The following B3GNT2 variants were observed in gnomAD, a reference collection of about 807,000 sequenced individuals.
B3GNT2 encodes the protein UDP-GlcNAc:betaGal beta-1,3-N-acetylglucosaminyltransferase 2, also known as N-acetyllactosaminide beta-1,3-N-acetylglucosaminyltransferase 2.
B3GNT2 carries 12 observed loss-of-function variants against 27.6 expected under a neutral mutation model. The ratio of observed to expected loss-of-function variants is 0.44; its 90% CI spans 0.28 to 0.71. The LOEUF is 0.71. Ranked by LOEUF, B3GNT2 falls within the 30% of genes least tolerant of loss-of-function variation. The probability of loss-of-function intolerance (pLI) is 0.17; values close to 1 mark genes in which losing one functional copy is unlikely to be tolerated. For synonymous variants in B3GNT2, 192 were observed against 189.7 expected (o/e 1.01, Z -0.10); for missense variants, 413 against 488.5 (o/e 0.85, Z 1.46).
intron 1 of B3GNT2, among the ~76,000 whole-genome samples, chr2:62,217,756 A>G (rs1278336826): frequency 3.9e-5 from 6 of 152,174 alleles, no homozygotes; most frequent in African/African-American, 1.4e-4. Context: ...CTCTCATCCC[A>G]CCACCCTGAA....
chr2:62,220,589 G>A (rs1674671271), intron 1 of B3GNT2, among the ~76,000 whole-genome samples: 1 of 152,172 alleles, frequency 6.6e-6, no homozygotes, highest in Admixed American at 6.5e-5. Context: ...TTTAGGGATT[G>A]GAGAAGTGTA....
Position 62,222,544 on chromosome 2 carries a change from T to A in B3GNT2, c.324T>A (p.Gly108=), listed in dbSNP as rs1298347987. The change falls in exon 2 of 2, where the codon GGT becomes GGA. Residue 108 remains glycine, a synonymous_variant. Coordinates refer to ENST00000301998, the MANE Select transcript of B3GNT2 (RefSeq NM_006577.6). The surrounding 1 kb of genome is among the most constrained non-coding windows in gnomAD (Gnocchi z 4.2). Reference sequence around the variant, plus strand: ...TGAGGGTCACGTCGGTGGTTACGGGTTTTAACAACTTGCCGGACAGATTTA... The same window carrying A: ...TGAGGGTCACGTCGGTGGTTACGGGATTTAACAACTTGCCGGACAGATTTA... ...PDLRVTSVVT[G]FNNLPDRFKD... 1 of 1,614,016 alleles carries A rather than the reference T, an allele frequency of 6.2e-7. No individual in the cohort carries two copies. Among genetic ancestry groups the A allele is most frequent in the Non-Finnish European group, 8.5e-7 (1 of 1,179,994 alleles).
At position 62,197,372 on chromosome 2, in the gene B3GNT2, C is replaced by G. The variant is rs562167867; in HGVS notation, c.-10+1017C>G. Among the ~76,000 whole-genome samples, 45 of 152,322 alleles carry G rather than the reference C, an allele frequency of 3.0e-4. 1 individual carries two copies. The South Asian group carries it at 8.3e-3, about 28-fold the overall frequency. On this transcript the variant is annotated intron_variant, in intron 1 of 1. Transcript: ENST00000301998. ...AGTAGAGGAGCCGTCGGGAGACTCC[C>G]CACAAGTGTCACAGCGTCAAAGCTC...
chr2:62,222,015 G>A lies in B3GNT2; in HGVS notation c.-9-197G>A, dbSNP rs1674705668. ...GGGCTTGATTCCCATTTTATATATG[G>A]AGAAGTTGAGACAGGGACTATCCCA... On this transcript the variant is annotated intron_variant, in intron 1 of 1. Transcript: ENST00000301998. This position sits in a 1 kb window ranked among gnomAD's most constrained non-coding sequence, Gnocchi z 4.2. Among the ~76,000 whole-genome samples the A allele has an allele frequency of 6.6e-6, 1 of 152,106 alleles. No individual in the cohort carries two copies. The highest frequency in any genetic ancestry group is 6.5e-5 in the Admixed American group (1 of 15,268).
intron 1 of B3GNT2, among the ~76,000 whole-genome samples, chr2:62,207,910 G>C (rs914740156): frequency 6.6e-6 from 1 of 152,166 alleles, no homozygotes; most frequent in Non-Finnish European, 1.5e-5. Context: ...GATTGCCTGA[G>C]TGCTTAATAT....
intron 1 of B3GNT2, among the ~76,000 whole-genome samples, chr2:62,218,404 G>A (rs962937990): frequency 3.3e-5 from 5 of 152,128 alleles, no homozygotes; most frequent in Non-Finnish European, 7.3e-5. Flanking sequence ...GCAAGTAATG[G>A]GAAGAGTTGC....
intron 1 of B3GNT2, among the ~76,000 whole-genome samples, chr2:62,209,040 G>T (rs562271061): frequency 6.6e-6 from 1 of 152,058 alleles, no homozygotes; most frequent in African/African-American, 2.4e-5. Flanking sequence ...AGGCTGGGTC[G>T]GAGTGCAGTG....
At position 62,222,748 on chromosome 2, in the gene B3GNT2, G is replaced by A; in HGVS notation, c.528G>A (p.Val176=). 1 of 1,614,214 alleles carries A rather than the reference G, an allele frequency of 6.2e-7. No individual in the cohort carries two copies. Among genetic ancestry groups the A allele is most frequent in the Non-Finnish European group, 8.5e-7 (1 of 1,180,042 alleles). The change falls in exon 2 of 2, where the codon GTG becomes GTA. Residue 176 remains valine (V), a synonymous_variant. Coordinates refer to ENST00000301998, the MANE Select transcript of B3GNT2 (RefSeq NM_006577.6). The surrounding 1 kb of genome is among the most constrained non-coding windows in gnomAD (Gnocchi z 4.2). ...GQESNAGNQT[V]VRVFLLGQTP... is the part of the protein sequence containing the mutation. Reference sequence around the variant, plus strand: ...AAAGCAACGCAGGGAACCAAACGGTGGTGCGAGTCTTCCTGCTGGGCCAGA... The same window carrying A: ...AAAGCAACGCAGGGAACCAAACGGTAGTGCGAGTCTTCCTGCTGGGCCAGA...
intron 1 of B3GNT2, among the ~76,000 whole-genome samples, chr2:62,212,682 ACTTT>A (rs754061584): frequency 1.3e-5 from 2 of 151,542 alleles, no homozygotes; most frequent in Non-Finnish European, 2.9e-5. Context: ...TGCCATCTAT[ACTTT>A]CTTCAACAAA....
At chr2:62,215,959 G>A (rs1674565649) in intron 1 of B3GNT2, among the ~76,000 whole-genome samples, 1 of 152,122 alleles carries the variant, frequency 6.6e-6, no homozygotes, top group African/African-American at 2.4e-5. Flanking sequence ...AAAGTGCAGG[G>A]CAGCCTTGGC....
chr2:62,203,151 G>A (rs1674303079), intron 1 of B3GNT2, among the ~76,000 whole-genome samples: 1 of 152,146 alleles, frequency 6.6e-6, no homozygotes, highest in African/African-American at 2.4e-5. Flanking sequence ...TGTTGAGTTA[G>A]GCCACTTCAT....
At chr2:62,215,936 T>C (rs1674565353) in intron 1 of B3GNT2, among the ~76,000 whole-genome samples, 2 of 152,152 alleles carry the variant, frequency 1.3e-5, no homozygotes, top group Non-Finnish European at 2.9e-5. Context: ...ATCCTTAATC[T>C]TGGTAGTAGG....
intron 1 of B3GNT2, among the ~76,000 whole-genome samples, chr2:62,217,724 C>T (rs374658219): frequency 7.9e-5 from 12 of 152,174 alleles, no homozygotes; most frequent in East Asian, 3.8e-4. Flanking sequence ...CTTTGGGCAG[C>T]GTTAAAGGAT....
In B3GNT2 at chr2:62,222,476, A is replaced by G. The variant is rs746222194; in HGVS notation, c.256A>G (p.Arg86Gly). The stretch of plus-strand genomic sequence containing the variant: ...GACCAACCAGACGGGGGAGGCGGGC[A>G]GGCTCTCCAATATAAGCCATCTGAA... ...MLTNQTGEAG[R>G]LSNISHLNYC... is the part of the protein sequence containing the mutation. Residue 86 changes from arginine to glycine, a missense_variant, in exon 2 of 2, where the codon AGG (arginine) becomes GGG (glycine). Arg to Gly is a moderately radical substitution (Grantham distance 125). Transcript: ENST00000301998. This position sits in a 1 kb window ranked among gnomAD's most constrained non-coding sequence, Gnocchi z 4.2. 1 of 1,613,994 alleles carries G rather than the reference A, an allele frequency of 6.2e-7. No homozygotes were observed. Among genetic ancestry groups the G allele is most frequent in the Non-Finnish European group, 8.5e-7 (1 of 1,180,022 alleles).
chr2:62,221,079 C>A (rs1674681918), intron 1 of B3GNT2, among the ~76,000 whole-genome samples: 1 of 152,128 alleles, frequency 6.6e-6, no homozygotes, highest in Admixed American at 6.5e-5. Context: ...ATTTCTGTAC[C>A]CCAGGAAGTT....
intron 1 of B3GNT2, among the ~76,000 whole-genome samples, chr2:62,211,169 G>A (rs1380615888): frequency 6.6e-6 from 1 of 152,058 alleles, no homozygotes; most frequent in Admixed American, 6.5e-5. Flanking sequence ...CAGCCTAGGC[G>A]ACATGGCAAA....
chr2:62,212,081 T>C (rs184415321), intron 1 of B3GNT2, among the ~76,000 whole-genome samples: 1 of 152,336 alleles, frequency 6.6e-6, no homozygotes, highest in Non-Finnish European at 1.5e-5. Context: ...AAATTCACCC[T>C]CAGTTGCCTG....
chr2:62,199,332 G>T (rs979214616), intron 1 of B3GNT2, among the ~76,000 whole-genome samples: 2 of 152,160 alleles, frequency 1.3e-5, no homozygotes, highest in Non-Finnish European at 2.9e-5. Flanking sequence ...TGACATACTG[G>T]GTCAGTGCTT....
At chr2:62,205,489 AAC>A (rs892390931) in intron 1 of B3GNT2, among the ~76,000 whole-genome samples, 19 of 152,240 alleles carry the variant, frequency 1.2e-4, no homozygotes, top group African/African-American at 4.3e-4. Context: ...ACTTGAAAAC[AAC>A]AGTCCTGAAA....
Sources: gnomAD v4.1 joint callset for allele counts (sites outside exome capture counted in the v4.1 genomes callset) on GRCh38, gnomAD v4.1.1 for gene constraint, Gnocchi (gnomAD v3.1) non-coding constraint, MANE v1.5 for transcripts, NCBI Gene and HGNC (gene_info 2026-07-23, HGNC 2026-07-21) for gene names.